BANP: variants seen among roughly 807,000 people sequenced by gnomAD.
The protein encoded by BANP is BTG3 associated nuclear protein, also known as protein BANP.
A neutral mutation model predicts 68.1 loss-of-function variants in BANP; 11 were observed. The observed-to-expected ratio is 0.16, with a 90% CI of 0.10 to 0.27. The LOEUF is 0.27. Ranked by LOEUF, BANP falls within the 10% of genes least tolerant of loss-of-function variation. The pLI is 1.00. For synonymous variants in BANP, 329 were observed against 303.2 expected, an observed-to-expected ratio of 1.09 and a Z score of -0.88; for missense variants, 504 against 722.7, an observed-to-expected ratio of 0.70 and a Z score of 3.47.
At position 87,957,959 on chromosome 16, in the gene BANP, C is replaced by T. The variant is rs190503739; in HGVS notation, c.-69+6444C>T. Among the ~76,000 whole-genome samples the T allele has an allele frequency of 2.6e-5, 4 of 152,178 alleles. No homozygotes were observed. The highest frequency in any genetic ancestry group is 1.3e-4 in the Admixed American group (2 of 15,292). On this transcript the variant is annotated intron_variant, in intron 1 of 13. Transcript: ENST00000682872. The surrounding 1 kb of genome is among the most constrained non-coding windows in gnomAD (Gnocchi z 4.3). ...GGTGGGTCCCTGAGCAGAGTGCTGCCGCTGCCAGTCTGCGTTTTCTGCCGA... is the reference window on the plus strand; with the variant it reads ...GGTGGGTCCCTGAGCAGAGTGCTGCTGCTGCCAGTCTGCGTTTTCTGCCGA...
At chr16:88,056,192 T>C (rs973136948) in intron 11 of BANP, among the ~76,000 whole-genome samples, 1 of 152,010 alleles carries the variant, frequency 6.6e-6, no homozygotes, top group African/African-American at 2.4e-5. Flanking sequence ...TGCAGCAGAG[T>C]GTTCTGAGAG....
At chr16:87,969,924 T>C (rs1227626242) in intron 1 of BANP, 1 of 150,570 alleles carries the variant, frequency 6.6e-6, no homozygotes, top group Non-Finnish European at 1.5e-5. Context: ...TTTTTTTTTT[T>C]TTTGACAGAG....
chr16:88,023,421 C>T (rs529260757), intron 7 of BANP, among the ~76,000 whole-genome samples: 1 of 152,144 alleles, frequency 6.6e-6, no homozygotes, highest in South Asian at 2.1e-4. Context: ...GCTGTGTATG[C>T]TTCCCCCGGG....
chr16:87,950,023 GCC>G (rs1597607550), upstream of BANP, among the ~76,000 whole-genome samples: 1 of 151,934 alleles, frequency 6.6e-6, no homozygotes, highest in East Asian at 1.9e-4. Flanking sequence ...GACTACAGGC[GCC>G]TGCCACCGCG....
chr16:87,971,922 A>G (rs2061201817), intron 1 of BANP, among the ~76,000 whole-genome samples: 1 of 152,106 alleles, frequency 6.6e-6, no homozygotes, highest in African/African-American at 2.4e-5. Flanking sequence ...CCTCCTGAGT[A>G]GCAGGGACCA....
chr16:88,011,269 A>C (rs1339576284), intron 6 of BANP, among the ~76,000 whole-genome samples: 2 of 151,950 alleles, frequency 1.3e-5, no homozygotes, highest in Admixed American at 1.3e-4. Flanking sequence ...TCAGGAGTTC[A>C]CCCAGGCTCC....
intron 11 of BANP, among the ~76,000 whole-genome samples, chr16:88,061,897 G>T (rs1439689544): frequency 6.6e-6 from 1 of 152,038 alleles, no homozygotes; most frequent in Non-Finnish European, 1.5e-5. Flanking sequence ...AACCTCAGGT[G>T]ACCAGCCCGC....
chr16:87,963,691 A>C (rs981391869), intron 1 of BANP, among the ~76,000 whole-genome samples: 1 of 152,226 alleles, frequency 6.6e-6, no homozygotes, highest in African/African-American at 2.4e-5. Flanking sequence ...TGACACCCCT[A>C]ATGATGCATG....
chr16:87,953,885 CG>C (rs754138949), intron 1 of BANP, among the ~76,000 whole-genome samples: 1 of 152,194 alleles, frequency 6.6e-6, no homozygotes, highest in Non-Finnish European at 1.5e-5. Context: ...TGGCTCTGTT[CG>C]TTTCCACAGG....
At chr16:88,025,702 G>A (rs2076857155) in intron 7 of BANP, among the ~76,000 whole-genome samples, 1 of 152,018 alleles carries the variant, frequency 6.6e-6, no homozygotes, top group South Asian at 2.1e-4. Flanking sequence ...ATACCTAATC[G>A]AGTACTTAAA....
intron 1 of BANP, among the ~76,000 whole-genome samples, chr16:87,967,088 A>G (rs970416762): frequency 6.6e-6 from 1 of 152,136 alleles, no homozygotes; most frequent in Non-Finnish European, 1.5e-5. Flanking sequence ...ACAGGCTGGG[A>G]AGGGAAGTCC....
intron 7 of BANP, among the ~76,000 whole-genome samples, chr16:88,026,255 A>C (rs2076968178): frequency 6.6e-6 from 1 of 152,076 alleles, no homozygotes; most frequent in Non-Finnish European, 1.5e-5. Flanking sequence ...GGTTGTGCCC[A>C]CTCGGCTTGT....
At chr16:88,053,636 TCATCAC>T (rs1225155738) in intron 11 of BANP, among the ~76,000 whole-genome samples, 1 of 141,008 alleles carries the variant, frequency 7.1e-6, no homozygotes. Context: ...TCCTTCACTA[TCATCAC>T]CATCACCAAC....
At chr16:88,022,065 C>G (rs188543146) in intron 7 of BANP, among the ~76,000 whole-genome samples, 1 of 152,180 alleles carries the variant, frequency 6.6e-6, no homozygotes, top group Admixed American at 6.5e-5. Context: ...GTGGACCCCC[C>G]GAATTTGGGC....
intron 2 of BANP, among the ~76,000 whole-genome samples, chr16:87,977,863 G>A (rs2062483304): frequency 6.9e-6 from 1 of 144,806 alleles, no homozygotes; most frequent in South Asian, 2.2e-4. Flanking sequence ...TTAAGACAGA[G>A]GTTTGCTCTG....
At chr16:88,054,229 A>G (rs1223350947) in intron 11 of BANP, among the ~76,000 whole-genome samples, 10 of 115,932 alleles carry the variant, frequency 8.6e-5, no homozygotes, top group Non-Finnish European at 1.2e-4. Flanking sequence ...CTCCTTCACT[A>G]TCATCACCAT....
chr16:87,988,420 C>A (rs901267490), intron 4 of BANP, among the ~76,000 whole-genome samples: 2 of 151,904 alleles, frequency 1.3e-5, no homozygotes, highest in African/African-American at 4.8e-5. Flanking sequence ...CAGGCCACCA[C>A]GCCTGGCTAA....
chr16:88,069,360 C>A (rs1257789830), intron 12 of BANP, among the ~76,000 whole-genome samples: 2 of 152,236 alleles, frequency 1.3e-5, no homozygotes, highest in African/African-American at 4.8e-5. Flanking sequence ...GGCATTTGCT[C>A]ATCAAAAACT....
chr16:87,978,164 G>T (rs2062556562), intron 2 of BANP, among the ~76,000 whole-genome samples: 1 of 152,172 alleles, frequency 6.6e-6, no homozygotes, highest in Admixed American at 6.5e-5. Context: ...AATGAACAAG[G>T]AGTTCTTTTG....
Sources: gnomAD v4.1 joint callset for allele counts (sites outside exome capture counted in the v4.1 genomes callset) on GRCh38, gnomAD v4.1.1 for gene constraint, Gnocchi (gnomAD v3.1) non-coding constraint, MANE v1.5 for transcripts, NCBI Gene and HGNC (gene_info 2026-07-23, HGNC 2026-07-21) for gene names.